The following ROR1 variants were observed in gnomAD, a reference collection of about 807,000 sequenced individuals.
The protein encoded by ROR1 is ROR family WNT receptor 1, also known as inactive tyrosine-protein kinase transmembrane receptor ROR1.
In ROR1, 19 loss-of-function variants were observed where a neutral mutation model predicts 78.8. The ratio of observed to expected loss-of-function variants is 0.24; its 90% CI spans 0.17 to 0.35. The LOEUF (loss-of-function observed/expected upper bound fraction) is 0.35, where lower values mean the gene tolerates loss of function less well. ROR1 is among the 10% of genes least tolerant of loss of function. The probability of loss-of-function intolerance (pLI) is 1.00; values close to 1 mark genes in which losing one functional copy is unlikely to be tolerated. For missense variants in ROR1, 917 were observed against 1,177.8 expected (o/e 0.78, Z 3.24); for synonymous variants, 386 against 433.6 (o/e 0.89, Z 1.36).
chr1:63,875,996 T>C (rs1645282445), intron 1 of ROR1, among the ~76,000 whole-genome samples: 1 of 152,188 alleles, frequency 6.6e-6, no homozygotes, highest in African/African-American at 2.4e-5. Context: ...TGGGAGACTA[T>C]ATTTTAAAAT....
At chr1:63,909,705 CT>C (rs947121116) in intron 1 of ROR1, among the ~76,000 whole-genome samples, 1 of 151,412 alleles carries the variant, frequency 6.6e-6, no homozygotes, top group African/African-American at 2.4e-5. Flanking sequence ...TTCCAGTTTT[CT>C]TTTTTTTTAA....
chr1:63,918,244 G>C (rs900925400), intron 1 of ROR1, among the ~76,000 whole-genome samples: 2 of 152,208 alleles, frequency 1.3e-5, no homozygotes, highest in African/African-American at 4.8e-5. Flanking sequence ...AGTCAGAATA[G>C]TGGAAGGCTG....
At chr1:63,781,117 T>C (rs2100220822) in intron 1 of ROR1, among the ~76,000 whole-genome samples, 1 of 152,358 alleles carries the variant, frequency 6.6e-6, no homozygotes, top group East Asian at 1.9e-4. Flanking sequence ...TTTGATATTT[T>C]ATTTTTCAAC....
chr1:63,860,128 A>G (rs1470896002), intron 1 of ROR1, among the ~76,000 whole-genome samples: 1 of 152,214 alleles, frequency 6.6e-6, no homozygotes, highest in Non-Finnish European at 1.5e-5. Flanking sequence ...TTCCTGGCAC[A>G]CAGGATCAGA....
At chr1:64,006,528 C>T (rs545039497) in intron 1 of ROR1, among the ~76,000 whole-genome samples, 1 of 152,308 alleles carries the variant, frequency 6.6e-6, no homozygotes, top group South Asian at 2.1e-4. Context: ...ACGAAATACC[C>T]GTTCCCCAAA....
chr1:63,940,505 A>ATAGATAGATAGG (rs1645829930), intron 1 of ROR1, among the ~76,000 whole-genome samples: 1 of 148,218 alleles, frequency 6.7e-6, no homozygotes, highest in African/African-American at 2.6e-5. Flanking sequence ...AGACAGATAG[A>ATAGATAGATAGG]TAGATAGATA....
intron 1 of ROR1, among the ~76,000 whole-genome samples, chr1:63,784,125 A>G (rs957122009): frequency 2.0e-5 from 3 of 152,110 alleles, no homozygotes; most frequent in Non-Finnish European, 4.4e-5. Flanking sequence ...TAAATCCTCC[A>G]TTTGTATAGG....
intron 2 of ROR1, among the ~76,000 whole-genome samples, chr1:64,027,227 T>G (rs1042306403): frequency 6.6e-6 from 1 of 152,234 alleles, no homozygotes; most frequent in Admixed American, 6.5e-5. Flanking sequence ...CTCTTCTTTC[T>G]CTGACTAAAG....
At position 64,181,394 on chromosome 1, in the gene ROR1, G is replaced by C. The variant is rs1372313512; in HGVS notation, c.*2539G>C. ...AGCATTGAATTGTAATGACAAAAAG[G>C]CTATTTTATATTAAGGATATATGCA... On this transcript the variant is annotated 3_prime_UTR_variant, in exon 9 of 9. Coordinates refer to ENST00000371079, the MANE Select transcript of ROR1 (RefSeq NM_005012.4). 1.3e-5 allele frequency: 2 copies of C among 152,016 alleles called. No homozygotes were observed. Among genetic ancestry groups the C allele is most frequent in the Non-Finnish European group, 1.5e-5 (1 of 67,966 alleles). The allele number at this position is 152,016 out of a possible 1,614,324, so 9.4% of individuals were successfully genotyped here.
chr1:63,863,072 G>A (rs918906887), intron 1 of ROR1, among the ~76,000 whole-genome samples: 5 of 152,118 alleles, frequency 3.3e-5, no homozygotes, highest in Non-Finnish European at 7.3e-5. Context: ...GTAGAGGTAG[G>A]GCAAAAGCCC....
intron 1 of ROR1, among the ~76,000 whole-genome samples, chr1:63,925,615 T>C (rs1402834614): frequency 1.3e-5 from 2 of 151,888 alleles, no homozygotes; most frequent in Non-Finnish European, 2.9e-5. Context: ...GTTGAACTAG[T>C]TTACAGTCCC....
chr1:63,987,869 A>G (rs956686777), intron 1 of ROR1, among the ~76,000 whole-genome samples: 3 of 152,222 alleles, frequency 2.0e-5, no homozygotes, highest in African/African-American at 7.2e-5. Flanking sequence ...GAAGTAAAAT[A>G]GCAAATTGAG....
intron 4 of ROR1, among the ~76,000 whole-genome samples, chr1:64,092,299 TC>T (rs1355678017): frequency 1.3e-5 from 2 of 152,300 alleles, no homozygotes; most frequent in Admixed American, 1.3e-4. Flanking sequence ...CTGGGAATGA[TC>T]CCATGTTATA....
chr1:63,828,574 T>C (rs1027549677), intron 1 of ROR1, among the ~76,000 whole-genome samples: 7 of 152,226 alleles, frequency 4.6e-5, no homozygotes, highest in Non-Finnish European at 7.3e-5. Context: ...TTTCAGTTGA[T>C]CAACATCCTC....
intron 2 of ROR1, among the ~76,000 whole-genome samples, chr1:64,040,417 A>G (rs1646737066): frequency 6.6e-6 from 1 of 152,240 alleles, no homozygotes; most frequent in Non-Finnish European, 1.5e-5. Flanking sequence ...AAGTGCACAT[A>G]TGATAAATAT....
At chr1:64,116,210 G>A (rs1648311211) in intron 4 of ROR1, among the ~76,000 whole-genome samples, 1 of 152,154 alleles carries the variant, frequency 6.6e-6, no homozygotes, top group Non-Finnish European at 1.5e-5. Context: ...TCCAGCTGTG[G>A]GATGGCTGTG....
At chr1:64,142,705 C>A in intron 7 of ROR1, 55 bp downstream of exon 7, 1 of 1,599,962 alleles carries the variant, frequency 6.3e-7, no homozygotes, top group South Asian at 1.1e-5. Flanking sequence ...GATCCCTATC[C>A]TACCCCTCTT....
At chr1:63,843,637 T>C in intron 1 of ROR1, 1 of 613,394 alleles carries the variant, frequency 1.6e-6, no homozygotes, top group Non-Finnish European at 3.2e-6. Context: ...TGCAACTTCA[T>C]GTCGTTGAAC....
chr1:64,178,560 GTCC>G lies in ROR1; in HGVS notation c.2523_2525del (p.Pro842del). On this transcript the variant is annotated inframe_deletion, in exon 9 of 9. Transcript: ENST00000371079. This position sits in a 1 kb window ranked among gnomAD's most constrained non-coding sequence, Gnocchi z 4.3. ...CCAGCTGCCCACTACCAGCCAACAG[GTCC>G]TCCCAGAGTGATTCAGCACTGCCCA... 1.2e-6 allele frequency: 2 copies of G among 1,614,088 alleles called. No individual in the cohort carries two copies. The highest frequency in any genetic ancestry group is 1.7e-6 in the Non-Finnish European group (2 of 1,180,020).
Sources: allele counts gnomAD v4.1 joint callset (sites outside exome capture counted in the v4.1 genomes callset), GRCh38; gene constraint gnomAD v4.1.1; non-coding constraint Gnocchi (gnomAD v3.1); transcripts MANE v1.5; gene names NCBI Gene and HGNC (gene_info 2026-07-23, HGNC 2026-07-21).